CSMD3: variants seen among roughly 807,000 people sequenced by gnomAD.
CSMD3 encodes CUB and Sushi multiple domains 3.
Under a neutral mutation model 435.2 loss-of-function variants are expected in CSMD3, and 177 were observed. That is an observed-to-expected ratio of 0.41 (90% confidence interval 0.36 to 0.46). CSMD3 has a LOEUF of 0.46. Ranked by LOEUF, CSMD3 falls within the 20% of genes least tolerant of loss-of-function variation. The probability of loss-of-function intolerance (pLI) is 0.34; values close to 1 mark genes in which losing one functional copy is unlikely to be tolerated. For missense variants in CSMD3, 4,265 were observed against 4,504.6 expected (o/e 0.95, Z 1.52); for synonymous variants, 1,656 against 1,520.5 (o/e 1.09, Z -2.07).
In CSMD3 at chr8:112,356,710, G is replaced by T. The variant is rs189735369; in HGVS notation, c.6137-4176C>A. The stretch of plus-strand genomic sequence containing the variant: ...AAAGTCTCTTCCATGCTGTTTTCAT[G>T]ACAGTGAATAAGTTTCATGAGTACT... On this transcript the variant is annotated intron_variant, in intron 38 of 70. Transcript: ENST00000297405. Among the ~76,000 whole-genome samples, 5 of 151,946 alleles carry T rather than the reference G, an allele frequency of 3.3e-5. No individual in the cohort carries two copies. The East Asian group carries it at 9.9e-4, about 30-fold the overall frequency.
intron 41 of CSMD3, among the ~76,000 whole-genome samples, chr8:112,341,988 G>A (rs1277086040): frequency 1.3e-5 from 2 of 151,964 alleles, no homozygotes; most frequent in Admixed American, 6.6e-5. Flanking sequence ...TCTTTAATAC[G>A]CTTTAAATTA....
intron 3 of CSMD3, among the ~76,000 whole-genome samples, chr8:113,221,233 G>C (rs192998391): frequency 1.3e-5 from 2 of 151,276 alleles, no homozygotes; most frequent in East Asian, 3.9e-4. Context: ...ATTGAAAACT[G>C]TACTCTGATA....
At chr8:112,964,113 C>T (rs1214556972) in intron 7 of CSMD3, among the ~76,000 whole-genome samples, 3 of 151,926 alleles carry the variant, frequency 2.0e-5, no homozygotes, top group Middle Eastern at 3.4e-3. Context: ...GCAAAATTAT[C>T]GCCCCTTTCA....
At chr8:113,124,382 C>T (rs1401865372) in intron 4 of CSMD3, among the ~76,000 whole-genome samples, 2 of 151,656 alleles carry the variant, frequency 1.3e-5, no homozygotes, top group African/African-American at 4.8e-5. Flanking sequence ...TAATTTTTTT[C>T]TCACATTATT....
intron 4 of CSMD3, among the ~76,000 whole-genome samples, chr8:113,145,600 G>A (rs2131750639): frequency 6.6e-6 from 1 of 151,638 alleles, no homozygotes; most frequent in Admixed American, 6.6e-5. Context: ...TATCTTGGTA[G>A]TCAACCAAAG....
chr8:112,906,038 G>T (rs1009310318), intron 10 of CSMD3, among the ~76,000 whole-genome samples: 3 of 151,452 alleles, frequency 2.0e-5, no homozygotes, highest in Non-Finnish European at 4.4e-5. Context: ...ATAAAAAGAA[G>T]TCAGCTGTCT....
At chr8:113,238,906 C>A (rs950783721) in intron 3 of CSMD3, among the ~76,000 whole-genome samples, 7 of 152,104 alleles carry the variant, frequency 4.6e-5, no homozygotes, top group African/African-American at 1.7e-4. Flanking sequence ...TTCCAAGATA[C>A]TTGGTCAAAC....
At chr8:112,570,105 C>A (rs1055771487) in intron 24 of CSMD3, among the ~76,000 whole-genome samples, 1 of 151,248 alleles carries the variant, frequency 6.6e-6, no homozygotes, top group Non-Finnish European at 1.5e-5. Context: ...ACACGAAATC[C>A]TGATGCACAT....
At chr8:113,073,955 G>T (rs553355511) in intron 5 of CSMD3, among the ~76,000 whole-genome samples, 6 of 151,750 alleles carry the variant, frequency 4.0e-5, no homozygotes. Flanking sequence ...ACTGATCCAA[G>T]TATATTGCGT....
chr8:112,329,289 C>A (rs191293730), intron 45 of CSMD3, among the ~76,000 whole-genome samples: 2 of 151,990 alleles, frequency 1.3e-5, no homozygotes, highest in Admixed American at 6.6e-5. Flanking sequence ...TTGAAACAAG[C>A]GAGAAATAAG....
intron 3 of CSMD3, among the ~76,000 whole-genome samples, chr8:113,214,865 T>C (rs967871546): frequency 2.0e-5 from 3 of 151,986 alleles, no homozygotes; most frequent in South Asian, 2.1e-4. Flanking sequence ...ATATATGGTG[T>C]TTCAGGTATT....
chr8:113,009,005 T>G (rs1384751607), intron 6 of CSMD3, among the ~76,000 whole-genome samples: 1 of 151,572 alleles, frequency 6.6e-6, no homozygotes, highest in Non-Finnish European at 1.5e-5. Context: ...AGATTATATG[T>G]TGAAATGTTA....
intron 43 of CSMD3, 71 bp downstream of exon 43, chr8:112,337,472 G>T: frequency 1.6e-6 from 2 of 1,237,654 alleles, no homozygotes; most frequent in Non-Finnish European, 2.4e-6. Flanking sequence ...AGGAAGACAA[G>T]TAAAAAGTGC....
rs545702112 is a variant in CSMD3 at position 112,545,441 on chromosome 8, C to T, written c.4564+5230G>A. On this transcript the variant is annotated intron_variant, in intron 27 of 70. Coordinates refer to ENST00000297405, the MANE Select transcript of CSMD3 (RefSeq NM_198123.2). ...TAGGTTGCAGTGACCCAAGATCGTGCCACTGCACTCCAGCCTGGGCGACAG... is the reference window on the plus strand; with the variant it reads ...TAGGTTGCAGTGACCCAAGATCGTGTCACTGCACTCCAGCCTGGGCGACAG... 3.6e-3 allele frequency among the ~76,000 whole-genome samples: 494 copies of T among 136,406 alleles called. 1 individual carries two copies. The highest frequency in any genetic ancestry group is 0.013 in the African/African-American group (476 of 36,140). 89.5% of individuals were successfully genotyped at this position (136,406 alleles called of 152,430 possible).
At chr8:112,657,061 CT>C (rs11387284) in intron 17 of CSMD3, among the ~76,000 whole-genome samples, 9,283 of 131,572 alleles carry the variant, frequency 0.071, 483 homozygotes, top group African/African-American at 0.18. Context: ...TTTCTTTTTA[CT>C]TTTTTTTTTT....
At chr8:113,269,670 T>C (rs1157586886) in intron 3 of CSMD3, among the ~76,000 whole-genome samples, 1 of 150,954 alleles carries the variant, frequency 6.6e-6, no homozygotes, top group East Asian at 1.9e-4. Context: ...TCTACAACCA[T>C]CTGATCTTTG....
chr8:112,458,450 A>G (rs748890215), intron 32 of CSMD3, among the ~76,000 whole-genome samples: 1 of 152,080 alleles, frequency 6.6e-6, no homozygotes, highest in East Asian at 1.9e-4. Context: ...AGTAGATAAG[A>G]ACATTTCTTC....
At chr8:112,311,318 T>C in intron 49 of CSMD3, 152 bp from the exon 50 acceptor site, 2 of 677,236 alleles carry the variant, frequency 3.0e-6, no homozygotes, top group Non-Finnish European at 5.2e-6. Context: ...TTGTGCTCTT[T>C]CCTCTTTTGA....
chr8:112,324,199 C>A (rs184726141), intron 45 of CSMD3, among the ~76,000 whole-genome samples: 2 of 152,036 alleles, frequency 1.3e-5, no homozygotes, highest in Admixed American at 1.3e-4. Flanking sequence ...TTCCTGGGTG[C>A]TTTGTATTTG....
Sources: allele counts gnomAD v4.1 joint callset (sites outside exome capture counted in the v4.1 genomes callset), GRCh38; gene constraint gnomAD v4.1.1; transcripts MANE v1.5; gene names NCBI Gene and HGNC (gene_info 2026-07-23, HGNC 2026-07-21).